The following TSNAXIP1 variants were observed in gnomAD, a reference collection of about 807,000 sequenced individuals.
The protein encoded by TSNAXIP1 is translin associated factor X interacting protein 1, also known as translin-associated factor X-interacting protein 1.
Under a neutral mutation model 84.8 loss-of-function variants are expected in TSNAXIP1, and 89 were observed. The observed-to-expected ratio is 1.05, with a 90% confidence interval of 0.88 to 1.25. The LOEUF (loss-of-function observed/expected upper bound fraction) is 1.25, where lower values mean the gene tolerates loss of function less well. Ranked by LOEUF, TSNAXIP1 falls within the 50% of genes most tolerant of loss-of-function variation. TSNAXIP1 has a pLI of 0.00. For missense variants in TSNAXIP1, 874 were observed against 887.6 expected (o/e 0.98, Z 0.20); for synonymous variants, 347 against 335.2 (o/e 1.04, Z -0.39).
chr16:67,807,587 C>T (rs1862482573), intron 1 of TSNAXIP1: 2 of 355,572 alleles, frequency 5.6e-6, no homozygotes, highest in Non-Finnish European at 1.1e-5. Flanking sequence ...ACCTCAGCCT[C>T]CCGAGTAGCT....
chr16:67,825,586 C>T, intron 7 of TSNAXIP1, 81 bp from the exon 8 acceptor site: 1 of 1,525,108 alleles, frequency 6.6e-7, no homozygotes, highest in Middle Eastern at 1.8e-4. Context: ...CAGGGAACCC[C>T]AAACAGGAAG....
rs1311542603 is a variant in TSNAXIP1, at chr16:67,807,461, CAT to C, written c.47+266_47+267del. Reference sequence around the variant, plus strand: ...TATATGCCAAATGCTTTATATACCACATTTTTAAATATTTTATTTTTGAGACA... The same window carrying C: ...TATATGCCAAATGCTTTATATACCACTTTTAAATATTTTATTTTTGAGACA... On this transcript the variant is annotated intron_variant, in intron 1 of 15. Coordinates refer to ENST00000561639, the MANE Select transcript of TSNAXIP1 (RefSeq NM_001288990.3). 4 of 1,266,910 alleles carry C rather than the reference CAT, an allele frequency of 3.2e-6. No individual in the cohort carries two copies. The African/African-American group carries it at 6.1e-5, about 19-fold the overall frequency. The allele number at this position is 1,266,910 out of a possible 1,614,324, so 78.5% of individuals were successfully genotyped here. A position where few individuals can be genotyped will look rare whatever the true frequency, so the allele number is the denominator to read the frequency against.
intron 2 of TSNAXIP1, among the ~76,000 whole-genome samples, chr16:67,817,865 A>C (rs1431406072): frequency 6.8e-6 from 1 of 146,558 alleles, no homozygotes; most frequent in Non-Finnish European, 1.5e-5. Context: ...CAGCCTGGGC[A>C]ACAGAGTGAG....
At chr16:67,823,413 C>T (rs927947226) in intron 4 of TSNAXIP1, among the ~76,000 whole-genome samples, 3 of 151,958 alleles carry the variant, frequency 2.0e-5, no homozygotes, top group Non-Finnish European at 4.4e-5. Flanking sequence ...TGTGGTGGCG[C>T]GTGCCTGTAA....
At chr16:67,822,236 G>A (rs2057116679) in intron 4 of TSNAXIP1, among the ~76,000 whole-genome samples, 1 of 143,360 alleles carries the variant, frequency 7.0e-6, no homozygotes, top group Non-Finnish European at 1.5e-5. Context: ...CCAAGTTCAC[G>A]CCACTGCACT....
intron 2 of TSNAXIP1, among the ~76,000 whole-genome samples, chr16:67,816,288 CT>C (rs2056548532): frequency 6.6e-6 from 1 of 152,050 alleles, no homozygotes; most frequent in Non-Finnish European, 1.5e-5. Flanking sequence ...TTATTAAGTA[CT>C]TTTGGGCTCT....
In TSNAXIP1 at chr16:67,806,906, C is replaced by T. The variant is rs1339958678; in HGVS notation, c.-244C>T. The T allele has an allele frequency of 3.2e-6, 2 of 621,988 alleles. No individual in the cohort carries two copies. The highest frequency in any genetic ancestry group is 1.8e-5 in the African/African-American group (1 of 54,196). 38.5% of individuals were successfully genotyped at this position (621,988 alleles called of 1,614,324 possible). A position where few individuals can be genotyped will look rare whatever the true frequency, so the allele number is the denominator to read the frequency against. ...CTCTGTTCATCCCCCTGCCTCAGTT[C>T]TGGTACCTGGGGTCAAATCGGCTGT... On this transcript the variant is annotated 5_prime_UTR_variant, in exon 1 of 16. Transcript: ENST00000561639.
chr16:67,808,231 A>G (rs1219465667), intron 1 of TSNAXIP1, among the ~76,000 whole-genome samples: 1 of 151,684 alleles, frequency 6.6e-6, no homozygotes, highest in African/African-American at 2.4e-5. Context: ...ACACCACCCA[A>G]TCCCACCTAA....
intron 5 of TSNAXIP1, 133 bp from the exon 6 acceptor site, chr16:67,824,450 T>C: frequency 1.2e-6 from 1 of 825,962 alleles, no homozygotes. Flanking sequence ...ACAGGGACCA[T>C]GGCTTTGAAC....
At chr16:67,816,189 G>C (rs74815020) in intron 2 of TSNAXIP1, among the ~76,000 whole-genome samples, 1 of 151,572 alleles carries the variant, frequency 6.6e-6, no homozygotes, top group Non-Finnish European at 1.5e-5. Context: ...GGATGGTCTC[G>C]ATCTCCTGCC....
intron 2 of TSNAXIP1, among the ~76,000 whole-genome samples, chr16:67,818,442 G>A (rs896124809): frequency 2.0e-5 from 3 of 151,744 alleles, no homozygotes; most frequent in Non-Finnish European, 4.4e-5. Context: ...TCTTGAGCCC[G>A]GGAGTTTGTA....
intron 2 of TSNAXIP1, among the ~76,000 whole-genome samples, chr16:67,819,733 C>T (rs535650856): frequency 9.4e-4 from 141 of 150,498 alleles, no homozygotes; most frequent in Middle Eastern, 3.4e-3. Flanking sequence ...CCGCAACCTC[C>T]GCTTCCCGGG....
intron 2 of TSNAXIP1, among the ~76,000 whole-genome samples, chr16:67,819,426 TA>T (rs1472938700): frequency 2.6e-5 from 4 of 151,236 alleles, no homozygotes; most frequent in Non-Finnish European, 5.9e-5. Context: ...GTATTTTTAG[TA>T]GAGATGGAGT....
intron 1 of TSNAXIP1, among the ~76,000 whole-genome samples, chr16:67,810,973 A>T (rs1470433722): frequency 2.7e-5 from 4 of 148,268 alleles, no homozygotes; most frequent in African/African-American, 1.0e-4. Context: ...TCCTGACCTC[A>T]TGTCTTTTGT....
At chr16:67,807,428 G>C in intron 1 of TSNAXIP1, 1 of 1,479,044 alleles carries the variant, frequency 6.8e-7, no homozygotes, top group South Asian at 1.2e-5. Context: ...AGCTTGTATT[G>C]AATGTACTAT....
In TSNAXIP1 at chr16:67,825,129, C is replaced by T; in HGVS notation, c.679-8C>T. ...CAGCCCCTGACCACACAGCCACCTT[C>T]TTGCCAGGTGACCAAACTGAGGAAG... On this transcript the variant is annotated splice_polypyrimidine_tract_variant and splice_region_variant and intron_variant, in intron 6 of 15. Transcript: ENST00000561639. 6.2e-7 allele frequency: 1 copy of T among 1,613,422 alleles called. No homozygotes were observed. Among genetic ancestry groups the T allele is most frequent in the Non-Finnish European group, 8.5e-7 (1 of 1,179,832 alleles).
chr16:67,807,052 G>T lies in TSNAXIP1; in HGVS notation c.-98G>T, dbSNP rs541826417. On this transcript the variant is annotated 5_prime_UTR_variant, in exon 1 of 16. Transcript: ENST00000561639. ...GCGCATCCCTGACTCCGCCCCCGCCGCGGGGGGGCCTCTGGGGCCTGGTCG... is the reference window on the plus strand; with the variant it reads ...GCGCATCCCTGACTCCGCCCCCGCCTCGGGGGGGCCTCTGGGGCCTGGTCG... The T allele has an allele frequency of 3.2e-4, 474 of 1,486,302 alleles. 1 individual carries two copies. Among genetic ancestry groups the T allele is most frequent in the Non-Finnish European group, 3.9e-4 (434 of 1,121,688 alleles). 92.1% of individuals were successfully genotyped at this position (1,486,302 alleles called of 1,614,324 possible).
intron 1 of TSNAXIP1, among the ~76,000 whole-genome samples, chr16:67,813,472 C>T (rs955722315): frequency 5.3e-5 from 8 of 151,918 alleles, no homozygotes; most frequent in Non-Finnish European, 1.0e-4. Context: ...CAGTGGCTCA[C>T]GCCTGTAATC....
rs1298319863 is a variant in TSNAXIP1 at position 67,809,484 on chromosome 16, A to C, written c.47+2288A>C. Among the ~76,000 whole-genome samples, 3 of 151,276 alleles carry C rather than the reference A, an allele frequency of 2.0e-5. No homozygotes were observed. In the East Asian group the frequency reaches 5.9e-4, roughly 30 times the overall value. The stretch of plus-strand genomic sequence containing the variant: ...AAAAAAGAAAGAAAATCAGCCAGGC[A>C]TGGTGACCTGTGCCTGTAATCCCAG... On this transcript the variant is annotated intron_variant, in intron 1 of 15. Coordinates refer to ENST00000561639, the MANE Select transcript of TSNAXIP1 (RefSeq NM_001288990.3).
Sources: gnomAD v4.1 joint callset for allele counts (sites outside exome capture counted in the v4.1 genomes callset) on GRCh38, gnomAD v4.1.1 for gene constraint, MANE v1.5 for transcripts, NCBI Gene and HGNC (gene_info 2026-07-23, HGNC 2026-07-21) for gene names.